SKAP2: variants seen among roughly 807,000 people sequenced by gnomAD.
SKAP2 encodes the protein src kinase-associated phosphoprotein 2.
In SKAP2, 28 loss-of-function variants were observed where a neutral mutation model predicts 54.9. That is an observed-to-expected ratio of 0.51 (90% CI 0.38 to 0.70). SKAP2 has a LOEUF of 0.70. SKAP2 is among the 30% of genes least tolerant of loss of function. The probability of loss-of-function intolerance (pLI) is 0.00; values close to 1 mark genes in which losing one functional copy is unlikely to be tolerated. For synonymous variants in SKAP2, 137 were observed against 134.3 expected (o/e 1.02, Z -0.14); for missense variants, 356 against 424.1 (o/e 0.84, Z 1.41).
Position 26,684,738 on chromosome 7 carries a change from T to C in SKAP2, c.985A>G (p.Lys329Glu). The C allele has an allele frequency of 6.3e-7, 1 of 1,593,446 alleles. No homozygotes were observed. The change falls in exon 11 of 13, where the codon AAG becomes GAG. Residue 329 changes from lysine (K) to glutamate (E), a missense_variant and splice_region_variant. Coordinates refer to ENST00000345317, the MANE Select transcript of SKAP2 (RefSeq NM_003930.5). ...KRGDVIYILS[K>E]EYNRYGWWVG... ...GTCATTTTGGGGTATCTTCTTACCT[T>C]GCTAAGAATGTAAATCACATCACCA...
Position 26,819,711 on chromosome 7 carries a change from A to G in SKAP2, c.307+24319T>C, listed in dbSNP as rs374390810. Among the ~76,000 whole-genome samples, 22 of 152,306 alleles carry G rather than the reference A, an allele frequency of 1.4e-4. No individual in the cohort carries two copies. The East Asian group carries it at 3.1e-3, about 21-fold the overall frequency. ...AAAAGACAGCATCTTTACATGCCTT[A>G]TATCTGTATGTTTGATAATATTAGG... On this transcript the variant is annotated intron_variant, in intron 4 of 12. Coordinates refer to ENST00000345317, the MANE Select transcript of SKAP2 (RefSeq NM_003930.5).
chr7:26,817,821 T>G (rs1024001840), intron 4 of SKAP2, among the ~76,000 whole-genome samples: 1 of 151,998 alleles, frequency 6.6e-6, no homozygotes, highest in African/African-American at 2.4e-5. Flanking sequence ...AAATCATGAG[T>G]GAACTCCCAT....
chr7:26,839,731 T>C (rs1050615391), intron 4 of SKAP2, among the ~76,000 whole-genome samples: 104 of 152,208 alleles, frequency 6.8e-4, no homozygotes, highest in African/African-American at 2.5e-3. Context: ...ATCTATTTCG[T>C]GGCTTTTGTA....
intron 4 of SKAP2, among the ~76,000 whole-genome samples, chr7:26,756,847 T>G (rs975272633): frequency 1.3e-5 from 2 of 152,316 alleles, no homozygotes; most frequent in African/African-American, 4.8e-5. Flanking sequence ...ACCTGTAGTT[T>G]CCTGACTTTT....
chr7:26,712,448 CAGTAAATG>C (rs1787331195), intron 9 of SKAP2, among the ~76,000 whole-genome samples: 1 of 152,086 alleles, frequency 6.6e-6, no homozygotes, highest in Non-Finnish European at 1.5e-5. Context: ...TATATGTGTG[CAGTAAATG>C]CTTATCTGAT....
At chr7:26,823,884 G>C (rs1386731168) in intron 4 of SKAP2, among the ~76,000 whole-genome samples, 1 of 152,180 alleles carries the variant, frequency 6.6e-6, no homozygotes, top group Non-Finnish European at 1.5e-5. Context: ...GGTGAGCAAA[G>C]AAAGTAGTTT....
chr7:26,683,211 C>A (rs547057133), intron 11 of SKAP2, among the ~76,000 whole-genome samples: 7 of 152,154 alleles, frequency 4.6e-5, no homozygotes, highest in African/African-American at 1.7e-4. Flanking sequence ...AGTTTCTTGA[C>A]AGGAGCTGAA....
At chr7:26,760,384 ATAAC>A (rs1375883231) in intron 4 of SKAP2, among the ~76,000 whole-genome samples, 1 of 152,178 alleles carries the variant, frequency 6.6e-6, no homozygotes, top group East Asian at 1.9e-4. Context: ...CTTTATATAT[ATAAC>A]TTCTGGTTAT....
At chr7:26,802,773 C>T (rs759437528) in intron 4 of SKAP2, among the ~76,000 whole-genome samples, 14 of 151,884 alleles carry the variant, frequency 9.2e-5, no homozygotes, top group Non-Finnish European at 1.5e-4. Flanking sequence ...CCCAGCTACT[C>T]GGGAGGGTGA....
rs1448402379 is a variant in SKAP2 at position 26,841,815 on chromosome 7, TTA to T, written c.307+2213_307+2214del. 1.8e-4 allele frequency among the ~76,000 whole-genome samples: 27 copies of T among 152,166 alleles called. No individual in the cohort carries two copies. The East Asian group carries it at 4.4e-3, about 25-fold the overall frequency. On this transcript the variant is annotated intron_variant, in intron 4 of 12. Coordinates refer to ENST00000345317, the MANE Select transcript of SKAP2 (RefSeq NM_003930.5). The stretch of plus-strand genomic sequence containing the variant: ...TTTAGAGTTTATAACCCATTGAAGT[TTA>T]GATACTTTCTTAGTGCCTTCCATAA...
chr7:26,828,011 C>G (rs1344675707), intron 4 of SKAP2, among the ~76,000 whole-genome samples: 1 of 152,070 alleles, frequency 6.6e-6, no homozygotes, highest in East Asian at 1.9e-4. Context: ...GAGAAGAGAT[C>G]AATTCAAATA....
intron 4 of SKAP2, among the ~76,000 whole-genome samples, chr7:26,749,377 T>C (rs1782629015): frequency 6.6e-6 from 1 of 152,102 alleles, no homozygotes; most frequent in East Asian, 1.9e-4. Flanking sequence ...CTAGGAAACA[T>C]AAACTCAACT....
intron 4 of SKAP2, among the ~76,000 whole-genome samples, chr7:26,839,337 C>T (rs992222625): frequency 2.6e-5 from 4 of 152,060 alleles, no homozygotes; most frequent in African/African-American, 9.7e-5. Flanking sequence ...ATACTTGAAA[C>T]TGTGCTATAC....
chr7:26,715,829 A>G (rs555629487), intron 9 of SKAP2, among the ~76,000 whole-genome samples: 1 of 152,286 alleles, frequency 6.6e-6, no homozygotes, highest in South Asian at 2.1e-4. Context: ...ACAAGTTGTT[A>G]TTTGTACTAA....
chr7:26,688,329 C>T (rs1786695329), intron 10 of SKAP2, among the ~76,000 whole-genome samples: 2 of 152,106 alleles, frequency 1.3e-5, no homozygotes, highest in Non-Finnish European at 2.9e-5. Context: ...TAAGTTTGAA[C>T]ATGAAGGAAC....
intron 9 of SKAP2, among the ~76,000 whole-genome samples, chr7:26,692,591 C>T (rs930361784): frequency 6.6e-6 from 1 of 152,156 alleles, no homozygotes; most frequent in East Asian, 1.9e-4. Flanking sequence ...AAATATCTGG[C>T]ATTTTATTCA....
intron 9 of SKAP2, among the ~76,000 whole-genome samples, chr7:26,705,095 G>A (rs1349011681): frequency 2.0e-5 from 3 of 152,046 alleles, no homozygotes; most frequent in Non-Finnish European, 4.4e-5. Context: ...GCCACCTTAG[G>A]GGCCTAGGGT....
chr7:26,789,743 C>G (rs562732144), intron 4 of SKAP2, among the ~76,000 whole-genome samples: 1 of 152,266 alleles, frequency 6.6e-6, no homozygotes, highest in East Asian at 1.9e-4. Flanking sequence ...TAATGCCGCA[C>G]TAATTATTTC....
intron 4 of SKAP2, among the ~76,000 whole-genome samples, chr7:26,820,909 C>A (rs1371485801): frequency 6.6e-6 from 1 of 152,150 alleles, no homozygotes; most frequent in Non-Finnish European, 1.5e-5. Flanking sequence ...TTGGCATGTC[C>A]TATGTACCTA....
Sources: gnomAD v4.1 joint callset for allele counts (sites outside exome capture counted in the v4.1 genomes callset) on GRCh38, gnomAD v4.1.1 for gene constraint, MANE v1.5 for transcripts, NCBI Gene and HGNC (gene_info 2026-07-23, HGNC 2026-07-21) for gene names.